ERAP1: variants seen among roughly 807,000 people sequenced by gnomAD.
ERAP1 encodes the protein endoplasmic reticulum aminopeptidase 1.
A neutral mutation model predicts 103.7 loss-of-function variants in ERAP1; 86 were observed. That is an observed-to-expected ratio of 0.83 (90% CI 0.70 to 0.99). The LOEUF is 0.99. Among genes scored for constraint, ERAP1 ranks in the 50% least tolerant of loss-of-function variants. The pLI, the probability that ERAP1 is intolerant of heterozygous loss-of-function variation, is 0.00. For missense variants in ERAP1, 1,009 were observed against 1,128.4 expected, an observed-to-expected ratio of 0.89 and a Z score of 1.52; for synonymous variants, 398 against 402.4, an observed-to-expected ratio of 0.99 and a Z score of 0.13.
intron 18 of ERAP1, among the ~76,000 whole-genome samples, chr5:96,778,134 T>C (rs11739020): frequency 0.091 from 13,812 of 152,248 alleles, 827 homozygotes; most frequent in Middle Eastern, 0.16. Context: ...TGTTCACCAA[T>C]ATTTACTCTG....
chr5:96,888,952 G>A, the ERAP1 span, among the ~76,000 whole-genome samples: 2 of 152,316 alleles, frequency 1.3e-5, no homozygotes, highest in South Asian at 2.1e-4. Context: ...AGTTACAGAT[G>A]AGCACTGAGG....
the ERAP1 span, among the ~76,000 whole-genome samples, chr5:96,929,062 G>A: frequency 6.6e-6 from 1 of 152,316 alleles, no homozygotes; most frequent in South Asian, 2.1e-4. Flanking sequence ...CATGCAGACA[G>A]CCCACCACAA....
At chr5:96,837,614 A>G in the ERAP1 span, among the ~76,000 whole-genome samples, 1 of 152,170 alleles carries the variant, frequency 6.6e-6, no homozygotes, top group Non-Finnish European at 1.5e-5. Flanking sequence ...CTAGGGAGGT[A>G]CCTGCAACTC....
chr5:96,883,782 C>A, the ERAP1 span: 21 of 1,608,164 alleles, frequency 1.3e-5, no homozygotes, highest in Non-Finnish European at 1.8e-5. Flanking sequence ...GGGGGTGGGT[C>A]TTTTCACAGA....
At chr5:96,815,402 G>GT in the ERAP1 span, among the ~76,000 whole-genome samples, 17 of 95,220 alleles carry the variant, frequency 1.8e-4, no homozygotes, top group South Asian at 3.1e-4. Context: ...GTTGTTGTTT[G>GT]TTTTGTTTTT....
intron 10 of ERAP1, among the ~76,000 whole-genome samples, chr5:96,789,377 C>CCTGGG (rs1324708600): frequency 2.0e-5 from 3 of 151,952 alleles, no homozygotes; most frequent in Non-Finnish European, 4.4e-5. Context: ...ATCCCGGCTA[C>CCTGGG]CTGGGAGGCT....
the ERAP1 span, among the ~76,000 whole-genome samples, chr5:96,857,921 G>T: frequency 0.049 from 7,401 of 152,280 alleles, 221 homozygotes; most frequent in South Asian, 0.1. Context: ...AGAAAGAAAA[G>T]AAATAGGGTC....
At chr5:96,792,259 G>A in intron 7 of ERAP1, 67 bp from the exon 8 acceptor site, 1 of 1,539,074 alleles carries the variant, frequency 6.5e-7, no homozygotes, top group Non-Finnish European at 9.0e-7. Flanking sequence ...TCAAAGGTGG[G>A]ACATTTTATC....
chr5:96,878,675 C>T, the ERAP1 span, among the ~76,000 whole-genome samples: 137 of 152,222 alleles, frequency 9.0e-4, no homozygotes, highest in African/African-American at 3.1e-3. Flanking sequence ...CGCCTGTGAT[C>T]TCAGCACTTT....
chr5:96,893,192 T>C, the ERAP1 span, among the ~76,000 whole-genome samples: 2 of 152,226 alleles, frequency 1.3e-5, no homozygotes, highest in African/African-American at 2.4e-5. Context: ...ACTAGGTCTA[T>C]AGATATTGGA....
chr5:96,854,757 G>A, the ERAP1 span, among the ~76,000 whole-genome samples: 3 of 152,096 alleles, frequency 2.0e-5, no homozygotes, highest in African/African-American at 7.2e-5. Flanking sequence ...CAACCCTTGT[G>A]GCCTTTTACC....
At chr5:96,935,251 C>G in the ERAP1 span, 3 of 152,206 alleles carry the variant, frequency 2.0e-5, no homozygotes, top group African/African-American at 4.8e-5. Context: ...CCGGGCGATC[C>G]GGCGCCGGGT....
At chr5:96,771,579 A>G, downstream of ERAP1, 2 of 1,191,302 alleles carry the variant, frequency 1.7e-6, no homozygotes, top group Non-Finnish European at 2.4e-6. Flanking sequence ...TAATTCTGAG[A>G]AGGCCATCTC....
the ERAP1 span, among the ~76,000 whole-genome samples, chr5:96,878,931 CATAA>C: frequency 6.6e-6 from 1 of 152,152 alleles, no homozygotes; most frequent in African/African-American, 2.4e-5. Flanking sequence ...GTCTCAAAAA[CATAA>C]ATAAATGAAT....
the ERAP1 span, chr5:96,886,744 T>G: frequency 6.5e-7 from 1 of 1,536,826 alleles, no homozygotes. Context: ...CCTACATAGT[T>G]TGTGATTTCC....
At chr5:96,778,268 T>C (rs1774645638) in intron 18 of ERAP1, among the ~76,000 whole-genome samples, 1 of 152,166 alleles carries the variant, frequency 6.6e-6, no homozygotes, top group Non-Finnish European at 1.5e-5. Flanking sequence ...GTAAATATGA[T>C]TACTGTAAAT....
chr5:96,860,923 A>G, the ERAP1 span, among the ~76,000 whole-genome samples: 4 of 152,086 alleles, frequency 2.6e-5, no homozygotes, highest in Non-Finnish European at 4.4e-5. Context: ...CAAGTGAGCA[A>G]CACAGGTAAA....
chr5:96,799,364 G>A (rs1255728413), intron 3 of ERAP1, among the ~76,000 whole-genome samples: 2 of 151,996 alleles, frequency 1.3e-5, no homozygotes, highest in Non-Finnish European at 2.9e-5. Context: ...GCAGCCTGAG[G>A]TCAGGCTACT....
At chr5:96,901,635 C>A in the ERAP1 span, 1 of 1,614,064 alleles carries the variant, frequency 6.2e-7, no homozygotes, top group Non-Finnish European at 8.5e-7. Flanking sequence ...GCGCTTCCTC[C>A]AGGGGGTTTT....
Sources: allele counts gnomAD v4.1 joint callset (sites outside exome capture counted in the v4.1 genomes callset), GRCh38; gene constraint gnomAD v4.1.1; transcripts MANE v1.5; gene names NCBI Gene and HGNC (gene_info 2026-07-23, HGNC 2026-07-21).